Variants in ANO4 observed in about 807,000 individuals in gnomAD.
ANO4 encodes the protein anoctamin 4.
Under a neutral mutation model 141.9 loss-of-function variants are expected in ANO4, and 69 were observed. The ratio of observed to expected loss-of-function variants is 0.49; its 90% CI spans 0.40 to 0.59. The LOEUF is 0.59. ANO4 is among the 20% of genes least tolerant of loss of function. The pLI, the probability that ANO4 is intolerant of heterozygous loss-of-function variation, is 0.00. For missense variants in ANO4, 894 were observed against 1,162.2 expected, an observed-to-expected ratio of 0.77 and a Z score of 3.36; for synonymous variants, 350 against 394.3, an observed-to-expected ratio of 0.89 and a Z score of 1.33.
At chr12:101,058,588 AGTT>A (rs1245848582) in intron 14 of ANO4, among the ~76,000 whole-genome samples, 1 of 152,102 alleles carries the variant, frequency 6.6e-6, no homozygotes, top group African/African-American at 2.4e-5. Flanking sequence ...ATCCCTTGTA[AGTT>A]GTATTCCTAG....
At chr12:100,983,317 C>G (rs1160270195) in intron 7 of ANO4, among the ~76,000 whole-genome samples, 4 of 152,204 alleles carry the variant, frequency 2.6e-5, no homozygotes, top group African/African-American at 9.7e-5. Context: ...GTATTCATTT[C>G]CTATTGCTGT....
At chr12:100,727,290 G>T (rs2031176031) in intron 1 of ANO4, among the ~76,000 whole-genome samples, 2 of 152,134 alleles carry the variant, frequency 1.3e-5, no homozygotes, top group Non-Finnish European at 2.9e-5. Context: ...TGGTAGGTTT[G>T]TCTGTTATTC....
chr12:100,761,513 C>T (rs2032856664), intron 3 of ANO4, among the ~76,000 whole-genome samples: 1 of 152,182 alleles, frequency 6.6e-6, no homozygotes, highest in African/African-American at 2.4e-5. Context: ...AGCTTAATTC[C>T]TTCAGCATGA....
chr12:100,814,646 A>C (rs1157948867), intron 1 of ANO4, among the ~76,000 whole-genome samples: 2 of 152,040 alleles, frequency 1.3e-5, no homozygotes, highest in African/African-American at 4.8e-5. Context: ...AATGGCCAAG[A>C]ATACTAGATT....
intron 3 of ANO4, among the ~76,000 whole-genome samples, chr12:100,786,899 C>T (rs1465493598): frequency 1.3e-5 from 2 of 152,082 alleles, no homozygotes; most frequent in Non-Finnish European, 2.9e-5. Context: ...CAATCATACT[C>T]TAAATAATTC....
intron 22 of ANO4, among the ~76,000 whole-genome samples, chr12:101,107,839 G>C (rs565135217): frequency 2.1e-4 from 32 of 152,208 alleles, no homozygotes; most frequent in African/African-American, 6.5e-4. Flanking sequence ...AAGTTTGGAG[G>C]CAAAAAAGTC....
At chr12:101,042,113 G>A (rs1364818895) in intron 11 of ANO4, among the ~76,000 whole-genome samples, 1 of 152,142 alleles carries the variant, frequency 6.6e-6, no homozygotes, top group Non-Finnish European at 1.5e-5. Context: ...ATACAACCAT[G>A]TTATTTTATG....
chr12:100,734,055 A>C (rs1160854182), intron 2 of ANO4, among the ~76,000 whole-genome samples: 1 of 152,228 alleles, frequency 6.6e-6, no homozygotes, highest in Non-Finnish European at 1.5e-5. Flanking sequence ...GCATGGAATT[A>C]GATGGAGGAA....
chr12:101,122,236 A>G (rs1422647695), intron 26 of ANO4, among the ~76,000 whole-genome samples: 1 of 151,884 alleles, frequency 6.6e-6, no homozygotes, highest in Non-Finnish European at 1.5e-5. Flanking sequence ...TAATGGGGTT[A>G]TTTGTTTTTT....
intron 1 of ANO4, among the ~76,000 whole-genome samples, chr12:100,801,246 C>A (rs1341884186): frequency 6.6e-6 from 1 of 152,186 alleles, no homozygotes; most frequent in Admixed American, 6.5e-5. Context: ...GAATCACCAT[C>A]TAAAACCTAT....
intron 3 of ANO4, among the ~76,000 whole-genome samples, chr12:100,746,494 TAAG>T (rs896384455): frequency 2.0e-5 from 3 of 146,422 alleles, no homozygotes; most frequent in African/African-American, 7.4e-5. Context: ...GATGAAATAA[TAAG>T]AAAAATATGT....
At chr12:100,949,942 CAA>C (rs1009710922) in intron 5 of ANO4, among the ~76,000 whole-genome samples, 10 of 152,130 alleles carry the variant, frequency 6.6e-5, no homozygotes, top group African/African-American at 2.2e-4. Flanking sequence ...GAAATCTTCA[CAA>C]AGATTTCCCC....
intron 1 of ANO4, among the ~76,000 whole-genome samples, chr12:100,822,579 T>G (rs1226728556): frequency 2.0e-5 from 3 of 151,874 alleles, no homozygotes; most frequent in African/African-American, 7.3e-5. Flanking sequence ...GAGGCAAATT[T>G]TTTCCAAAGA....
At chr12:100,994,417 A>G (rs1252601538) in intron 8 of ANO4, among the ~76,000 whole-genome samples, 2 of 152,216 alleles carry the variant, frequency 1.3e-5, no homozygotes, top group Non-Finnish European at 2.9e-5. Flanking sequence ...TCTAAGGTCA[A>G]TACCCATAAT....
chr12:100,743,180 T>C (rs1012673902), intron 3 of ANO4, among the ~76,000 whole-genome samples: 3 of 152,046 alleles, frequency 2.0e-5, no homozygotes, highest in African/African-American at 7.2e-5. Flanking sequence ...GGTGTTAAGA[T>C]AGATGATTTC....
chr12:101,045,474 T>C (rs1396187410), intron 13 of ANO4, among the ~76,000 whole-genome samples: 1 of 152,212 alleles, frequency 6.6e-6, no homozygotes, highest in East Asian at 1.9e-4. Flanking sequence ...ATTGGAGTTA[T>C]ACAGGGTTTC....
chr12:100,834,507 T>C (rs1418718972), intron 1 of ANO4, among the ~76,000 whole-genome samples: 1 of 152,050 alleles, frequency 6.6e-6, no homozygotes, highest in African/African-American at 2.4e-5. Context: ...GGTTTTGGAG[T>C]TCCTAAAGTT....
chr12:100,947,954 C>T (rs571453677), intron 5 of ANO4, among the ~76,000 whole-genome samples: 21 of 151,964 alleles, frequency 1.4e-4, no homozygotes, highest in Admixed American at 9.2e-4. Context: ...GAGGCCAAGG[C>T]GGGCGGATCA....
intron 3 of ANO4, among the ~76,000 whole-genome samples, chr12:100,749,259 A>G (rs1354539937): frequency 1.3e-5 from 2 of 152,170 alleles, no homozygotes; most frequent in African/African-American, 2.4e-5. Context: ...CTGGTCTTCC[A>G]TGGTGCATTC....
Sources: gnomAD v4.1 joint callset for allele counts (sites outside exome capture counted in the v4.1 genomes callset) on GRCh38, gnomAD v4.1.1 for gene constraint, MANE v1.5 for transcripts, NCBI Gene and HGNC (gene_info 2026-07-23, HGNC 2026-07-21) for gene names.